RNF128: variants seen among roughly 807,000 people sequenced by gnomAD.
RNF128 encodes the protein E3 ubiquitin-protein ligase RNF128.
RNF128 carries 13 observed loss-of-function variants against 26.2 expected under a neutral mutation model. That is an observed-to-expected ratio of 0.50 (90% CI 0.32 to 0.79). The LOEUF (loss-of-function observed/expected upper bound fraction) is 0.79. Ranked by LOEUF, RNF128 falls within the 30% of genes least tolerant of loss-of-function variation. The pLI is 0.03. For missense variants in RNF128, 315 were observed against 349.7 expected (o/e 0.90, Z 0.79); for synonymous variants, 149 against 142.5 (o/e 1.05, Z -0.32).
At chrX:106,763,927 TTTTGG>T (rs749984429) in intron 1 of RNF128, among the ~76,000 whole-genome samples, 48 of 105,779 alleles carry the variant, frequency 4.5e-4, no homozygotes, top group East Asian at 1.2e-3. Flanking sequence ...TATCCTTGTT[TTTTGG>T]TTTGGTTTGG....
At chrX:106,771,803 C>G (rs79273313) in intron 1 of RNF128, among the ~76,000 whole-genome samples, 1 of 112,727 alleles carries the variant, frequency 8.9e-6, no homozygotes, top group African/African-American at 3.2e-5. Flanking sequence ...GCAGAAATCA[C>G]CCGTCTTCTG....
At chrX:106,770,851 G>A (rs1421920548) in intron 1 of RNF128, among the ~76,000 whole-genome samples, 1 of 111,864 alleles carries the variant, frequency 8.9e-6, no homozygotes, top group Non-Finnish European at 1.9e-5. Context: ...AGAATTTTCA[G>A]CTTTTCTGCT....
Position 106,796,713 on chromosome X carries a change from A to G in RNF128, c.*1000A>G, listed in dbSNP as rs1930925143. ...CTGGTGTTTGAAAAAGAAGGGGGGG[A>G]GAATTCCAGGTGCCTTAATATAAAG... On this transcript the variant is annotated 3_prime_UTR_variant, in exon 7 of 7. Transcript: ENST00000255499. 1 of 111,144 alleles carries G rather than the reference A, an allele frequency of 9.0e-6. No individual in the cohort carries two copies. The highest frequency in any genetic ancestry group is 3.3e-5 in the African/African-American group (1 of 30,540). 9.2% of individuals were successfully genotyped at this position (111,144 alleles called of 1,213,427 possible).
Position 106,694,217 on chromosome X carries a change from A to G in RNF128, c.215A>G (p.Asn72Ser), listed in dbSNP as rs892209718. ...ATGGGAGTGGTAGGCATCCCTAAGA[A>G]CAATAACTACCAAGCTTGTGACCAC... Residue 72 changes from asparagine to serine, a missense_variant, in exon 1 of 7, where the codon AAC (asparagine) becomes AGC (serine). Transcript: ENST00000324342. The G allele has an allele frequency of 2.5e-6, 3 of 1,208,482 alleles. No homozygotes were observed. The Admixed American group carries it at 6.6e-5, about 27-fold the overall frequency.
At chrX:106,748,534 A>G (rs1929825400) in intron 1 of RNF128, among the ~76,000 whole-genome samples, 1 of 112,292 alleles carries the variant, frequency 8.9e-6, no homozygotes, top group South Asian at 3.7e-4. Context: ...TCAGTCATCA[A>G]AAGATGAATG....
intron 6 of RNF128, among the ~76,000 whole-genome samples, chrX:106,792,291 A>G (rs983863727): frequency 3.7e-5 from 4 of 108,020 alleles, no homozygotes; most frequent in African/African-American, 1.3e-4. Flanking sequence ...AAGAGAGTGT[A>G]CGAGATAATT....
chrX:106,754,410 C>CTTTTTTTTTTTTT (rs150895665), intron 1 of RNF128, among the ~76,000 whole-genome samples: 10 of 35,760 alleles, frequency 2.8e-4, no homozygotes, highest in African/African-American at 6.6e-4. Context: ...TTTTCTTTCT[C>CTTTTTTTTTTTTT]TTTTTTTTTT....
At chrX:106,720,736 T>G (rs983134979) in intron 1 of RNF128, among the ~76,000 whole-genome samples, 9 of 111,757 alleles carry the variant, frequency 8.1e-5, no homozygotes, top group African/African-American at 2.9e-4. Flanking sequence ...CTACCAGCTG[T>G]GTGACCTTCA....
chrX:106,755,126 G>C (rs180883368), intron 1 of RNF128, among the ~76,000 whole-genome samples: 1 of 111,950 alleles, frequency 8.9e-6, no homozygotes, highest in East Asian at 2.8e-4. Context: ...ACTACTGGGA[G>C]CAGCTATACG....
At chrX:106,749,155 T>C (rs901625363) in intron 1 of RNF128, among the ~76,000 whole-genome samples, 1 of 112,043 alleles carries the variant, frequency 8.9e-6, no homozygotes, top group Non-Finnish European at 1.9e-5. Flanking sequence ...ATGTTTTAAA[T>C]ATTCCCTTCA....
chrX:106,708,626 A>G (rs1160784511), intron 1 of RNF128, among the ~76,000 whole-genome samples: 1 of 112,228 alleles, frequency 8.9e-6, no homozygotes, highest in Non-Finnish European at 1.9e-5. Flanking sequence ...TATAGAAGCA[A>G]CTGTTTTCTG....
At chrX:106,766,217 T>A (rs758677651) in intron 1 of RNF128, among the ~76,000 whole-genome samples, 3 of 112,031 alleles carry the variant, frequency 2.7e-5, no homozygotes, top group African/African-American at 9.7e-5. Context: ...TTATAATCCT[T>A]TGGGTATATG....
intron 1 of RNF128, among the ~76,000 whole-genome samples, chrX:106,736,348 C>CCA (rs1185424415): frequency 1.8e-5 from 2 of 111,448 alleles, no homozygotes; most frequent in African/African-American, 6.5e-5. Flanking sequence ...TGCTTTGGTA[C>CCA]CACTTATTTT....
intron 1 of RNF128, among the ~76,000 whole-genome samples, chrX:106,711,246 C>A (rs907131879): frequency 6.3e-5 from 7 of 111,666 alleles, no homozygotes; most frequent in Non-Finnish European, 1.9e-5. Context: ...GCAAACCCTG[C>A]AAAAATCTGA....
intron 1 of RNF128, among the ~76,000 whole-genome samples, chrX:106,702,543 A>G (rs1239418325): frequency 1.8e-5 from 2 of 111,483 alleles, no homozygotes. Flanking sequence ...TCAGTTCATA[A>G]GTGCTCTTAC....
rs187297864 is a variant in RNF128 at position 106,765,844 on chromosome X, T to G, written c.485-7069T>G. ...AACTAACTCGTCATTTATATTAGGT[T>G]TATCTCCTAATGCTATCCCCCCCAG... On this transcript the variant is annotated intron_variant, in intron 1 of 6. Coordinates refer to ENST00000255499, the MANE Select transcript of RNF128 (RefSeq NM_194463.2). Among the ~76,000 whole-genome samples, 7 of 110,009 alleles carry G rather than the reference T, an allele frequency of 6.4e-5. 1 individual carries two copies. Among genetic ancestry groups the G allele is most frequent in the Admixed American group, 2.0e-4 (2 of 10,194 alleles).
chrX:106,787,953 C>G lies in RNF128; in HGVS notation c.840C>G (p.Cys280Trp), dbSNP rs1390923681. The G allele has an allele frequency of 8.4e-7, 1 of 1,192,271 alleles. No individual in the cohort carries two copies. The highest frequency in any genetic ancestry group is 1.8e-5 in the South Asian group (1 of 54,175). The part of the protein sequence containing the change: ...IGPDGDSCAV[C>W]IELYKPNDLV... ...CTGATGGAGATAGTTGTGCTGTGTG[C>G]ATTGAATTGTATAAACCAAATGATT... is the stretch of plus-strand genomic sequence containing the variant. Residue 280 changes from cysteine (C) to tryptophan (W), a missense_variant, in exon 4 of 7, where the codon TGC becomes TGG. By Grantham distance (215) the Cys-to-Trp change is radical (BLOSUM62 -2). Coordinates refer to ENST00000255499, the MANE Select transcript of RNF128 (RefSeq NM_194463.2).
intron 1 of RNF128, among the ~76,000 whole-genome samples, chrX:106,699,759 A>T (rs5962724): frequency 0.11 from 12,582 of 110,953 alleles, 1,738 homozygotes; most frequent in African/African-American, 0.39. Flanking sequence ...TCTCCCTCAC[A>T]ATGCTTCAAC....
intron 1 of RNF128, among the ~76,000 whole-genome samples, chrX:106,698,075 G>A (rs898976745): frequency 9.5e-6 from 1 of 105,707 alleles, no homozygotes; most frequent in African/African-American, 3.5e-5. Context: ...AATCTTTTCC[G>A]AGCACTGCAG....
Sources: allele counts gnomAD v4.1 joint callset (sites outside exome capture counted in the v4.1 genomes callset), GRCh38; gene constraint gnomAD v4.1.1; transcripts MANE v1.5; gene names NCBI Gene and HGNC (gene_info 2026-07-23, HGNC 2026-07-21).